MYO3A: variants seen among roughly 807,000 people sequenced by gnomAD.
The protein encoded by MYO3A is myosin-IIIa.
A neutral mutation model predicts 192.7 loss-of-function variants in MYO3A; 180 were observed. The ratio of observed to expected loss-of-function variants is 0.93; its 90% CI spans 0.83 to 1.06. MYO3A has a LOEUF of 1.06. MYO3A is among the 50% of genes least tolerant of loss of function. The pLI, the probability that MYO3A is intolerant of heterozygous loss-of-function variation, is 0.00. For synonymous variants in MYO3A, 628 were observed against 645.3 expected (o/e 0.97, Z 0.41); for missense variants, 1,896 against 1,905.0 (o/e 1.00, Z 0.09).
chr10:26,066,257 A>G (rs1246397558), intron 10 of MYO3A, among the ~76,000 whole-genome samples: 1 of 152,162 alleles, frequency 6.6e-6, no homozygotes, highest in Non-Finnish European at 1.5e-5. Context: ...AATAACCCTC[A>G]TAATCTATAT....
intron 17 of MYO3A, among the ~76,000 whole-genome samples, chr10:26,119,268 A>AT (rs964265338): frequency 2.0e-5 from 3 of 151,332 alleles, no homozygotes; most frequent in African/African-American, 7.3e-5. Context: ...AGCCCTTGTA[A>AT]TTTTTTTTCT....
At chr10:26,199,456 G>C (rs1310856221) in intron 32 of MYO3A, among the ~76,000 whole-genome samples, 3 of 152,054 alleles carry the variant, frequency 2.0e-5, no homozygotes, top group Non-Finnish European at 4.4e-5. Context: ...GGATGGCTAA[G>C]GTGGGAGGAT....
At chr10:26,104,127 AAT>A (rs1343001560) in intron 17 of MYO3A, among the ~76,000 whole-genome samples, 4 of 144,476 alleles carry the variant, frequency 2.8e-5, no homozygotes, top group Admixed American at 6.9e-5. Flanking sequence ...AAAAAAAAAA[AAT>A]TATAGTATTT....
intron 31 of MYO3A, among the ~76,000 whole-genome samples, chr10:26,181,403 T>G (rs1041541253): frequency 6.6e-6 from 1 of 152,144 alleles, no homozygotes; most frequent in Non-Finnish European, 1.5e-5. Context: ...TTCTAGAGAT[T>G]CCAAAGCATG....
intron 10 of MYO3A, among the ~76,000 whole-genome samples, chr10:26,056,063 C>A (rs926489721): frequency 6.6e-6 from 1 of 152,154 alleles, no homozygotes; most frequent in Non-Finnish European, 1.5e-5. Context: ...TTTGTAAGTC[C>A]ACAGTTAATA....
intron 14 of MYO3A, among the ~76,000 whole-genome samples, chr10:26,082,759 TCTC>T (rs1836049291): frequency 1.2e-4 from 5 of 43,130 alleles, no homozygotes; most frequent in East Asian, 3.6e-4. Flanking sequence ...TCTCTTTTTC[TCTC>T]TCTCTCTCTC....
chr10:26,121,982 C>T (rs547457282), intron 18 of MYO3A, among the ~76,000 whole-genome samples: 4 of 152,220 alleles, frequency 2.6e-5, no homozygotes, highest in East Asian at 1.9e-4. Context: ...ATGTAGTGAC[C>T]GGCATGTGCC....
chr10:26,150,995 T>C (rs1170940452), intron 23 of MYO3A, among the ~76,000 whole-genome samples: 1 of 152,192 alleles, frequency 6.6e-6, no homozygotes, highest in African/African-American at 2.4e-5. Flanking sequence ...TTTCAAATAT[T>C]ATTTATGGAC....
At chr10:26,202,849 G>A in intron 33 of MYO3A, 115 bp from the exon 34 acceptor site, 1 of 1,159,726 alleles carries the variant, frequency 8.6e-7, no homozygotes, top group Non-Finnish European at 1.2e-6. Flanking sequence ...CTATTGACAT[G>A]TGTATGTTAC....
At chr10:26,139,997 A>G (rs945204079) in intron 20 of MYO3A, among the ~76,000 whole-genome samples, 1 of 152,246 alleles carries the variant, frequency 6.6e-6, no homozygotes, top group Admixed American at 6.5e-5. Flanking sequence ...CTTGATGCAC[A>G]AAGCAGTACC....
At chr10:26,197,074 C>T (rs189789106) in intron 32 of MYO3A, among the ~76,000 whole-genome samples, 11 of 152,298 alleles carry the variant, frequency 7.2e-5, no homozygotes, top group East Asian at 1.9e-4. Flanking sequence ...GGTCCCGCTG[C>T]GCACCACACA....
At chr10:25,993,200 C>T (rs1840170111) in intron 4 of MYO3A, among the ~76,000 whole-genome samples, 1 of 152,076 alleles carries the variant, frequency 6.6e-6, no homozygotes, top group South Asian at 2.1e-4. Flanking sequence ...TGTTATTGGT[C>T]TATTCAGAGA....
At chr10:26,147,596 C>T (rs752298346) in intron 23 of MYO3A, 37 bp downstream of exon 23, 1 of 1,613,352 alleles carries the variant, frequency 6.2e-7, no homozygotes, top group South Asian at 1.1e-5. Flanking sequence ...TTTTCTGAAG[C>T]CCAATCAAAT....
In MYO3A at chr10:26,082,213, C is replaced by T. The variant is rs77930843; in HGVS notation, c.1360-5990C>T. Among the ~76,000 whole-genome samples, 96 of 152,140 alleles carry T rather than the reference C, an allele frequency of 6.3e-4. 4 individuals are homozygous for T. In the East Asian group the frequency reaches 0.018, roughly 29 times the overall value. ...GATATTTTAACAACATTAATTCTTC[C>T]GATCCCTGAGATAAATTTTCATTTA... On this transcript the variant is annotated intron_variant, in intron 14 of 34. Transcript: ENST00000642920.
At chr10:26,184,814 A>G (rs1446394130) in intron 31 of MYO3A, among the ~76,000 whole-genome samples, 1 of 152,210 alleles carries the variant, frequency 6.6e-6, no homozygotes, top group Non-Finnish European at 1.5e-5. Flanking sequence ...TTATGCTAGT[A>G]CCCACATTGA....
chr10:26,016,735 T>A, intron 6 of MYO3A, 85 bp from the exon 7 acceptor site: 1 of 1,274,246 alleles, frequency 7.8e-7, no homozygotes. Context: ...AATTTTAATA[T>A]TAGTTTGCAA....
chr10:25,998,205 A>G (rs1183448538), intron 6 of MYO3A, among the ~76,000 whole-genome samples: 3 of 152,200 alleles, frequency 2.0e-5, no homozygotes, highest in African/African-American at 7.2e-5. Context: ...TTGAGTATAG[A>G]AGTCCACTGA....
In MYO3A at chr10:26,212,150, T is replaced by A; in HGVS notation, c.*187T>A. On this transcript the variant is annotated 3_prime_UTR_variant, in exon 35 of 35. Coordinates refer to ENST00000642920, the MANE Select transcript of MYO3A (RefSeq NM_017433.5). ...CCTTCGTGCTCCGAAACAAGAGACC[T>A]GGGAGCCCTCGGGAAACCTCCCCCG... 1.1e-6 allele frequency: 1 copy of A among 879,822 alleles called. No homozygotes were observed. The highest frequency in any genetic ancestry group is 1.6e-6 in the Non-Finnish European group (1 of 606,070). 54.5% of individuals were successfully genotyped at this position (879,822 alleles called of 1,614,324 possible). A position where few individuals can be genotyped will look rare whatever the true frequency, so the allele number is the denominator to read the frequency against.
At chr10:26,075,960 G>A (rs909060976) in intron 14 of MYO3A, among the ~76,000 whole-genome samples, 19 of 151,668 alleles carry the variant, frequency 1.3e-4, no homozygotes, top group Admixed American at 2.6e-4. Flanking sequence ...ATAAACAGGC[G>A]TGTGCAAGTA....
Sources: gnomAD v4.1 joint callset for allele counts (sites outside exome capture counted in the v4.1 genomes callset) on GRCh38, gnomAD v4.1.1 for gene constraint, MANE v1.5 for transcripts, NCBI Gene and HGNC (gene_info 2026-07-23, HGNC 2026-07-21) for gene names.